EPHB2: variants seen among roughly 807,000 people sequenced by gnomAD.
The protein encoded by EPHB2 is ephrin type-B receptor 2.
A neutral mutation model predicts 96.4 loss-of-function variants in EPHB2; 18 were observed. The ratio of observed to expected loss-of-function variants is 0.19; its 90% CI spans 0.13 to 0.28. EPHB2 has a LOEUF of 0.28. Among genes scored for constraint, EPHB2 ranks in the 10% least tolerant of loss-of-function variants. The pLI is 1.00. For synonymous variants in EPHB2, 506 were observed against 534.1 expected (o/e 0.95, Z 0.72); for missense variants, 989 against 1,355.4 (o/e 0.73, Z 4.25).
In EPHB2 at chr1:22,892,930, C is replaced by T. The variant is rs749185690; in HGVS notation, c.1475C>T (p.Thr492Met). 16 of 1,614,126 alleles carry T rather than the reference C, an allele frequency of 9.9e-6. No individual in the cohort carries two copies. Among genetic ancestry groups the T allele is most frequent in the East Asian group, 4.5e-5 (2 of 44,892 alleles). The change falls in exon 7 of 16, where the codon ACG (threonine) becomes ATG (methionine). Residue 492 changes from threonine to methionine, a missense_variant. Thr to Met is a moderately conservative substitution (Grantham distance 81). Coordinates refer to ENST00000374630, the MANE Select transcript of EPHB2 (RefSeq NM_017449.5). The part of the protein sequence containing the change: ...NATAIKSPTN[T>M]VTVQGLKAGA... ...ACAGCCATAAAAAGCCCCACCAACACGGTCACCGTGCAGGGCCTCAAAGCC... is the reference window on the plus strand; with the variant it reads ...ACAGCCATAAAAAGCCCCACCAACATGGTCACCGTGCAGGGCCTCAAAGCC...
chr1:22,780,700 C>G (rs1204335901), intron 1 of EPHB2, among the ~76,000 whole-genome samples: 1 of 152,130 alleles, frequency 6.6e-6, no homozygotes, highest in African/African-American at 2.4e-5. Context: ...GGTTTAGTGG[C>G]AGAGCCTCGG....
At chr1:22,795,861 C>G (rs557109361) in intron 3 of EPHB2, among the ~76,000 whole-genome samples, 1 of 152,150 alleles carries the variant, frequency 6.6e-6, no homozygotes, top group Non-Finnish European at 1.5e-5. Flanking sequence ...ACAGCTCCCC[C>G]CGCCGGGGGA....
chr1:22,723,179 G>T (rs1643506035), intron 1 of EPHB2, among the ~76,000 whole-genome samples: 1 of 152,252 alleles, frequency 6.6e-6, no homozygotes, highest in Non-Finnish European at 1.5e-5. Flanking sequence ...TCTGAAACGT[G>T]TAAGTGGGGA....
At chr1:22,813,400 G>A (rs1165809352) in intron 3 of EPHB2, among the ~76,000 whole-genome samples, 1 of 152,202 alleles carries the variant, frequency 6.6e-6, no homozygotes, top group African/African-American at 2.4e-5. Flanking sequence ...AGAATGGGGT[G>A]AAGTTGGGCA....
intron 6 of EPHB2, among the ~76,000 whole-genome samples, chr1:22,886,235 G>A (rs1002961058): frequency 2.0e-5 from 3 of 152,200 alleles, no homozygotes; most frequent in Admixed American, 2.0e-4. Context: ...GTTGTTCTAG[G>A]CATCAGGAAT....
chr1:22,759,432 G>A (rs961313768), intron 1 of EPHB2, among the ~76,000 whole-genome samples: 11 of 152,034 alleles, frequency 7.2e-5, no homozygotes. Context: ...GGCCATTCCT[G>A]CCACCCTGCC....
chr1:22,800,673 G>A (rs1226416514), intron 3 of EPHB2, among the ~76,000 whole-genome samples: 1 of 150,406 alleles, frequency 6.6e-6, no homozygotes, highest in Non-Finnish European at 1.5e-5. Context: ...GTACTTGTTA[G>A]CATATGTGAG....
intron 3 of EPHB2, among the ~76,000 whole-genome samples, chr1:22,792,559 A>G (rs900973094): frequency 6.6e-6 from 1 of 152,086 alleles, no homozygotes; most frequent in African/African-American, 2.4e-5. Flanking sequence ...CCCCTTTCCT[A>G]TCCATCCATT....
Position 22,913,055 on chromosome 1 carries a change from A to G in EPHB2, c.2853-407A>G. 2.8e-6 allele frequency: 1 copy of G among 354,822 alleles called. No homozygotes were observed. Among genetic ancestry groups the G allele is most frequent in the South Asian group, 2.4e-5 (1 of 42,380 alleles). The allele number at this position is 354,822 out of a possible 1,614,324, so 22.0% of individuals were successfully genotyped here. A position where few individuals can be genotyped will look rare whatever the true frequency, so the allele number is the denominator to read the frequency against. ...TAAAATGCAAAAAATTAGCCACGCA[A>G]GGTGGCATGCACCTGTAATGCCAGC... is the stretch of plus-strand genomic sequence containing the variant. On this transcript the variant is annotated intron_variant, in intron 15 of 15. Transcript: ENST00000374630. The surrounding 1 kb of genome is among the most constrained non-coding windows in gnomAD (Gnocchi z 4.1).
chr1:22,834,557 A>C (rs1645352105), intron 3 of EPHB2, among the ~76,000 whole-genome samples: 1 of 152,166 alleles, frequency 6.6e-6, no homozygotes, highest in African/African-American at 2.4e-5. Flanking sequence ...TGCCATTGTG[A>C]CATAAAATCA....
chr1:22,764,628 C>T (rs895821386), intron 1 of EPHB2, among the ~76,000 whole-genome samples: 4 of 152,182 alleles, frequency 2.6e-5, no homozygotes, highest in East Asian at 3.9e-4. Context: ...CACCTATAAT[C>T]CCAGCTGTTC....
intron 5 of EPHB2, among the ~76,000 whole-genome samples, chr1:22,865,426 G>A (rs1205651038): frequency 6.6e-6 from 1 of 152,236 alleles, no homozygotes; most frequent in Non-Finnish European, 1.5e-5. Context: ...GCATATTATT[G>A]AAGGTAAAAG....
intron 7 of EPHB2, among the ~76,000 whole-genome samples, chr1:22,894,006 G>A (rs747177414): frequency 1.9e-4 from 29 of 152,130 alleles, no homozygotes; most frequent in African/African-American, 4.8e-5. Context: ...GAGGCTCCTG[G>A]ACTCCTAAAT....
At chr1:22,769,568 C>G (rs1209302700) in intron 1 of EPHB2, among the ~76,000 whole-genome samples, 2 of 152,094 alleles carry the variant, frequency 1.3e-5, no homozygotes, top group Non-Finnish European at 2.9e-5. Context: ...CCACCACACC[C>G]AGCTAATTTT....
chr1:22,907,601 T>G (rs1005634512), intron 11 of EPHB2, among the ~76,000 whole-genome samples: 3 of 152,196 alleles, frequency 2.0e-5, no homozygotes, highest in African/African-American at 7.2e-5. Context: ...TACACCTTCT[T>G]GTATAACCCA....
chr1:22,911,657 C>T (rs150650148), intron 14 of EPHB2, among the ~76,000 whole-genome samples: 36 of 152,304 alleles, frequency 2.4e-4, no homozygotes, highest in African/African-American at 7.9e-4. Flanking sequence ...CCTGCACACA[C>T]TTACTCCTCA....
At chr1:22,758,108 C>T (rs938490052) in intron 1 of EPHB2, among the ~76,000 whole-genome samples, 12 of 143,238 alleles carry the variant, frequency 8.4e-5, no homozygotes, top group Non-Finnish European at 1.4e-4. Context: ...TTAGTAGAGA[C>T]GGGGTTTCAC....
chr1:22,741,398 T>C (rs115915671), intron 1 of EPHB2, among the ~76,000 whole-genome samples: 1,983 of 152,148 alleles, frequency 0.013, 33 homozygotes, highest in African/African-American at 0.039. Flanking sequence ...GCTGCCTTCC[T>C]CCAGCCTGCG....
At chr1:22,854,790 C>G (rs543088431) in intron 3 of EPHB2, among the ~76,000 whole-genome samples, 1 of 152,168 alleles carries the variant, frequency 6.6e-6, no homozygotes, top group Non-Finnish European at 1.5e-5. Context: ...GCTTTGCCCA[C>G]AGTACGGAGG....
Sources: allele counts gnomAD v4.1 joint callset (sites outside exome capture counted in the v4.1 genomes callset), GRCh38; gene constraint gnomAD v4.1.1; non-coding constraint Gnocchi (gnomAD v3.1); transcripts MANE v1.5; gene names NCBI Gene and HGNC (gene_info 2026-07-23, HGNC 2026-07-21).